The following ITGB2 variants were observed in gnomAD, a reference collection of about 807,000 sequenced individuals.
The protein encoded by ITGB2 is integrin beta-2.
A neutral mutation model predicts 86.8 loss-of-function variants in ITGB2; 56 were observed. That is an observed-to-expected ratio of 0.65 (90% CI 0.52 to 0.81). ITGB2 has a LOEUF of 0.81. Ranked by LOEUF, ITGB2 falls within the 30% of genes least tolerant of loss-of-function variation. ITGB2 has a pLI of 0.00. For synonymous variants in ITGB2, 457 were observed against 450.4 expected, an observed-to-expected ratio of 1.01 and a Z score of -0.19; for missense variants, 948 against 1,061.2, an observed-to-expected ratio of 0.89 and a Z score of 1.48.
At position 44,886,774 on chromosome 21, in the gene ITGB2, G is replaced by C; in HGVS notation, c.2209C>G (p.Arg737Gly). ...IHLSDLREYRRFEKEKLKSQW... is the reference protein window; with the variant it reads ...IHLSDLREYRGFEKEKLKSQW... ...GACTTGAGCTTCTCCTTCTCAAAGC[G>C]CCTGTACTCCCGGAGGTCGCTCAGG... Residue 737 changes from arginine to glycine, a missense_variant, in exon 15 of 16, where the codon CGC becomes GGC. By Grantham distance (125) the Arg-to-Gly change is moderately radical. Coordinates refer to ENST00000652462, the MANE Select transcript of ITGB2 (RefSeq NM_000211.5). The C allele has an allele frequency of 1.2e-6, 2 of 1,614,058 alleles. No homozygotes were observed. The highest frequency in any genetic ancestry group is 1.7e-6 in the Non-Finnish European group (2 of 1,180,028).
chr21:44,893,667 GAC>G (rs2083823212), intron 9 of ITGB2, 123 bp from the exon 10 acceptor site: 1 of 1,297,462 alleles, frequency 7.7e-7, no homozygotes, highest in African/African-American at 1.5e-5. Flanking sequence ...GTCAGCTAAT[GAC>G]ACAGAGGAGA....
At position 44,902,289 on chromosome 21, in the gene ITGB2, G is replaced by A. The variant is rs757026380; in HGVS notation, c.500-556C>T. Among the ~76,000 whole-genome samples, 122 of 152,272 alleles carry A rather than the reference G, an allele frequency of 8.0e-4. 1 individual carries two copies. Among genetic ancestry groups the A allele is most frequent in the Non-Finnish European group, 1.1e-3 (72 of 68,046 alleles). Reference sequence around the variant, plus strand: ...TCTGTGTGCACATGTGGTCTTGCACGTGTGTATGACTGTGTGTGCATGTGT... The same window carrying A: ...TCTGTGTGCACATGTGGTCTTGCACATGTGTATGACTGTGTGTGCATGTGT... On this transcript the variant is annotated intron_variant, in intron 5 of 15. Transcript: ENST00000652462.
Position 44,893,482 on chromosome 21 carries a change from G to A in ITGB2, c.1146C>T (p.Tyr382=), listed in dbSNP as rs61737080. 225 of 1,614,150 alleles carry A rather than the reference G, an allele frequency of 1.4e-4. 2 individuals are homozygous for A. Among genetic ancestry groups the A allele is most frequent in the Middle Eastern group, 1.6e-4 (1 of 6,062 alleles). ...TCACTCCATTGCTGCAGAAGGAGTC[G>A]TAGGTGACTTTCAGGGTGTCGGGGA... ...NALPDTLKVT[Y]DSFCSNGVTH... is the part of the protein sequence containing the mutation. The change falls in exon 10 of 16, where the codon TAC becomes TAT. Residue 382 remains tyrosine, a synonymous_variant. Transcript: ENST00000652462.
chr21:44,908,337 G>C (rs139176092), intron 3 of ITGB2, among the ~76,000 whole-genome samples: 1 of 151,662 alleles, frequency 6.6e-6, no homozygotes, highest in Admixed American at 6.6e-5. Context: ...GAAAGAAACA[G>C]AAGTAAGATA....
intron 4 of ITGB2, among the ~76,000 whole-genome samples, chr21:44,904,797 A>G (rs1162209026): frequency 2.0e-5 from 3 of 151,396 alleles, no homozygotes; most frequent in Admixed American, 6.6e-5. Flanking sequence ...CACACCCCAC[A>G]CAATGCTAAA....
In ITGB2 at chr21:44,894,557, G is replaced by A. The variant is rs556453362; in HGVS notation, c.1083+414C>T. 2.2e-4 allele frequency: 70 copies of A among 311,862 alleles called. 2 individuals carry two copies. The Middle Eastern group carries it at 6.1e-3, about 27-fold the overall frequency. 19.3% of individuals were successfully genotyped at this position (311,862 alleles called of 1,614,324 possible). A position where few individuals can be genotyped will look rare whatever the true frequency, so the allele number is the denominator to read the frequency against. On this transcript the variant is annotated intron_variant, in intron 9 of 15. Transcript: ENST00000652462. Reference sequence around the variant, plus strand: ...CTTCTCTGGAGCTTGCCCAGGACAGGTGAACAGAGCAAGAGGAATTCCACC... The same window carrying A: ...CTTCTCTGGAGCTTGCCCAGGACAGATGAACAGAGCAAGAGGAATTCCACC...
At chr21:44,905,821 G>GGCT (rs2084034131) in intron 4 of ITGB2, among the ~76,000 whole-genome samples, 1 of 151,770 alleles carries the variant, frequency 6.6e-6, no homozygotes, top group Non-Finnish European at 1.5e-5. Flanking sequence ...CCTCCCTCCC[G>GGCT]GCTGCTGCTG....
chr21:44,891,943 A>G lies in ITGB2; in HGVS notation c.1278T>C (p.Phe426=). 6.2e-7 allele frequency: 1 copy of G among 1,613,446 alleles called. No homozygotes were observed. Among genetic ancestry groups the G allele is most frequent in the Non-Finnish European group, 8.5e-7 (1 of 1,180,014 alleles). The change falls in exon 11 of 16, where the codon TTT becomes TTC. Residue 426 remains phenylalanine, a synonymous_variant. Coordinates refer to ENST00000652462, the MANE Select transcript of ITGB2 (RefSeq NM_000211.5). The part of the protein sequence containing the change: ...TATECIQEQS[F]VIRALGFTDI... ...CCGTGAAGCCCAGCGCCCGGATGACAAACGACTGCTCCTGGATGCACTCTG... is the reference window on the plus strand; with the variant it reads ...CCGTGAAGCCCAGCGCCCGGATGACGAACGACTGCTCCTGGATGCACTCTG...
intron 1 of ITGB2, among the ~76,000 whole-genome samples, chr21:44,915,917 T>TTTTGTTTG (rs565750991): frequency 6.6e-6 from 1 of 151,998 alleles, no homozygotes; most frequent in Non-Finnish European, 1.5e-5. Context: ...GATAGCACAG[T>TTTTGTTTG]TTTGTTTGTT....
At chr21:44,889,812 G>C (rs1179210421) in intron 12 of ITGB2, among the ~76,000 whole-genome samples, 166 bp downstream of exon 12, 1 of 152,174 alleles carries the variant, frequency 6.6e-6, no homozygotes, top group Admixed American at 6.5e-5. Context: ...CGGGGTGCAG[G>C]GCCATCCAAG....
intron 7 of ITGB2, among the ~76,000 whole-genome samples, chr21:44,899,455 G>A (rs764121786): frequency 3.3e-5 from 5 of 152,218 alleles, no homozygotes; most frequent in African/African-American, 4.8e-5. Context: ...TTCCCCACAC[G>A]GTGGACCTGC....
chr21:44,888,069 A>G (rs1478794446), intron 14 of ITGB2, among the ~76,000 whole-genome samples: 1 of 152,054 alleles, frequency 6.6e-6, no homozygotes, highest in Non-Finnish European at 1.5e-5. Flanking sequence ...GCCTGGTTCC[A>G]ACTGGAGCTG....
At chr21:44,918,781 G>A (rs114168183) in intron 1 of ITGB2, among the ~76,000 whole-genome samples, 3,090 of 152,326 alleles carry the variant, frequency 0.02, 110 homozygotes, top group African/African-American at 0.071. Flanking sequence ...TGTGGTTCAG[G>A]TGAGAAGCTC....
chr21:44,910,826 C>T, intron 1 of ITGB2, 41 bp from the exon 2 acceptor site: 1 of 1,590,126 alleles, frequency 6.3e-7, no homozygotes, highest in South Asian at 1.1e-5. Context: ...TCAGGCCCAA[C>T]CCCTGGGGCT....
At chr21:44,921,594 G>A (rs1326083743), upstream of ITGB2, among the ~76,000 whole-genome samples, 3 of 151,748 alleles carry the variant, frequency 2.0e-5, no homozygotes, top group South Asian at 2.1e-4. Context: ...AGAAGGGAGA[G>A]GAGGAGGAGG....
chr21:44,901,485 G>A lies in ITGB2; in HGVS notation c.741+7C>T, dbSNP rs770309874. 6.2e-7 allele frequency: 1 copy of A among 1,613,778 alleles called. No homozygotes were observed. The highest frequency in any genetic ancestry group is 1.1e-5 in the South Asian group (1 of 91,036). ...CGTGGGGACCCAAGCAGGGGCAGCGGCCTCACCGGGCAGGCGGCGACCTGC... is the reference window on the plus strand; with the variant it reads ...CGTGGGGACCCAAGCAGGGGCAGCGACCTCACCGGGCAGGCGGCGACCTGC... On this transcript the variant is annotated splice_region_variant and intron_variant, in intron 6 of 15. Transcript: ENST00000652462.
At chr21:44,888,980 A>AG (rs957389428) in intron 13 of ITGB2, 85 bp from the exon 14 acceptor site, 54 of 862,312 alleles carry the variant, frequency 6.3e-5, no homozygotes, top group African/African-American at 2.7e-4. Flanking sequence ...TGTGTCCACC[A>AG]GGGGGGGCAG....
Position 44,919,345 on chromosome 21 carries a change from G to A in ITGB2, c.-4+1476C>T, listed in dbSNP as rs144861949. Among the ~76,000 whole-genome samples the A allele has an allele frequency of 2.6e-3, 390 of 152,360 alleles. 5 individuals carry two copies. The highest frequency in any genetic ancestry group is 9.1e-3 in the African/African-American group (377 of 41,584). ...TCATCCCCAGAATACTGAGGGGCAC[G>A]CTGGGTGCCAGGCTGGCAGGGACCC... is the stretch of plus-strand genomic sequence containing the variant. On this transcript the variant is annotated intron_variant, in intron 1 of 15. Coordinates refer to ENST00000652462, the MANE Select transcript of ITGB2 (RefSeq NM_000211.5).
chr21:44,887,414 T>C (rs942223020), intron 14 of ITGB2, among the ~76,000 whole-genome samples: 6 of 152,104 alleles, frequency 3.9e-5, no homozygotes, highest in African/African-American at 2.4e-5. Flanking sequence ...CTCCTGAGCA[T>C]GGGGACTGTG....
Sources: allele counts gnomAD v4.1 joint callset (sites outside exome capture counted in the v4.1 genomes callset), GRCh38; gene constraint gnomAD v4.1.1; transcripts MANE v1.5; gene names NCBI Gene and HGNC (gene_info 2026-07-23, HGNC 2026-07-21).